The following SGCZ variants were observed in gnomAD, a reference collection of about 807,000 sequenced individuals.
SGCZ encodes sarcoglycan zeta.
SGCZ carries 40 observed loss-of-function variants against 41.3 expected under a neutral mutation model. The ratio of observed to expected loss-of-function variants is 0.97; its 90% confidence interval spans 0.75 to 1.26. The LOEUF (loss-of-function observed/expected upper bound fraction) is 1.26. Among genes scored for constraint, SGCZ ranks in the 50% most tolerant of loss-of-function variants. The pLI, the probability that SGCZ is intolerant of heterozygous loss-of-function variation, is 0.00. For synonymous variants in SGCZ, 206 were observed against 137.5 expected (o/e 1.50, Z -3.49); for missense variants, 552 against 369.8 (o/e 1.49, Z -4.04).
chr8:14,903,081 T>C (rs956599384), intron 1 of SGCZ, among the ~76,000 whole-genome samples: 27 of 152,124 alleles, frequency 1.8e-4, no homozygotes, highest in South Asian at 8.3e-4. Flanking sequence ...CTGTATCCAG[T>C]TAACGAGGCA....
At chr8:14,740,880 GT>G (rs1362933988) in intron 1 of SGCZ, among the ~76,000 whole-genome samples, 5 of 151,988 alleles carry the variant, frequency 3.3e-5, no homozygotes, top group African/African-American at 1.2e-4. Context: ...ACATACAGTT[GT>G]TGGAGGTTTC....
chr8:14,685,077 T>C (rs1808568331), intron 1 of SGCZ, among the ~76,000 whole-genome samples: 2 of 132,680 alleles, frequency 1.5e-5, no homozygotes, highest in Non-Finnish European at 3.2e-5. Flanking sequence ...GACTGTACCA[T>C]GAGATTCATT....
Position 14,251,072 on chromosome 8 carries a change from A to G in SGCZ, c.337-13393T>C, listed in dbSNP as rs143690636. Reference sequence around the variant, plus strand: ...GCGAAACCCCGTCTCTACTTAAAGTACAAAAATTAGCCGGGTGCAGTGGTA... The same window carrying G: ...GCGAAACCCCGTCTCTACTTAAAGTGCAAAAATTAGCCGGGTGCAGTGGTA... On this transcript the variant is annotated intron_variant, in intron 3 of 7. Transcript: ENST00000382080. Among the ~76,000 whole-genome samples the G allele has an allele frequency of 4.7e-3, 715 of 152,242 alleles. 2 individuals are homozygous for G. Among genetic ancestry groups the G allele is most frequent in the Middle Eastern group, 0.01 (3 of 294 alleles).
At chr8:14,551,489 T>TAA (rs1491418630) in intron 2 of SGCZ, among the ~76,000 whole-genome samples, 1 of 6,258 alleles carries the variant, frequency 1.6e-4, no homozygotes, top group Non-Finnish European at 3.3e-4. Context: ...ATTATATATA[T>TAA]TATATATATT....
chr8:14,340,542 T>G (rs1802667019), intron 2 of SGCZ, among the ~76,000 whole-genome samples: 1 of 152,094 alleles, frequency 6.6e-6, no homozygotes, highest in South Asian at 2.1e-4. Context: ...TCTTTTTATC[T>G]CCAGAATTTA....
intron 1 of SGCZ, among the ~76,000 whole-genome samples, chr8:15,079,323 G>T (rs1267079052): frequency 1.3e-5 from 2 of 152,094 alleles, no homozygotes; most frequent in East Asian, 3.8e-4. Context: ...CCTATCTGTT[G>T]TCTTTATATC....
intron 2 of SGCZ, among the ~76,000 whole-genome samples, chr8:14,337,680 G>A (rs1334022818): frequency 2.0e-5 from 3 of 152,138 alleles, no homozygotes; most frequent in Non-Finnish European, 4.4e-5. Flanking sequence ...TACCAAATGA[G>A]TATGATCTAT....
chr8:14,399,674 T>G (rs1799019353), intron 2 of SGCZ, among the ~76,000 whole-genome samples: 1 of 152,154 alleles, frequency 6.6e-6, no homozygotes, highest in South Asian at 2.1e-4. Context: ...AAGATAATAT[T>G]TTATTCATTG....
chr8:15,175,170 C>G (rs980704483), intron 1 of SGCZ, among the ~76,000 whole-genome samples: 1 of 151,972 alleles, frequency 6.6e-6, no homozygotes, highest in Non-Finnish European at 1.5e-5. Flanking sequence ...ACCGAGCAAT[C>G]CTATTACTGG....
intron 1 of SGCZ, among the ~76,000 whole-genome samples, chr8:14,594,811 G>C (rs1805355316): frequency 6.6e-6 from 1 of 151,748 alleles, no homozygotes; most frequent in Non-Finnish European, 1.5e-5. Context: ...AAGAGACTAT[G>C]CAATGTTATG....
chr8:14,363,320 T>C (rs1039759475), intron 2 of SGCZ, among the ~76,000 whole-genome samples: 2 of 152,104 alleles, frequency 1.3e-5, no homozygotes, highest in African/African-American at 2.4e-5. Flanking sequence ...AAGGGGAAAA[T>C]ACTGACTTTC....
chr8:15,186,048 C>T (rs1396190684), intron 1 of SGCZ, among the ~76,000 whole-genome samples: 2 of 148,836 alleles, frequency 1.3e-5, no homozygotes, highest in Admixed American at 1.3e-4. Context: ...ACGGTGAAAC[C>T]CCGTCTTTAC....
chr8:14,373,735 AAG>A (rs1224447991), intron 2 of SGCZ, among the ~76,000 whole-genome samples: 1 of 152,202 alleles, frequency 6.6e-6, no homozygotes, highest in Non-Finnish European at 1.5e-5. Flanking sequence ...GGCATAAAGA[AAG>A]ATTGAGATGA....
At chr8:14,399,592 T>C (rs1317687746) in intron 2 of SGCZ, among the ~76,000 whole-genome samples, 2 of 152,142 alleles carry the variant, frequency 1.3e-5, no homozygotes, top group Non-Finnish European at 2.9e-5. Context: ...TTCTGCAGTA[T>C]GTTTTTTTCA....
intron 1 of SGCZ, among the ~76,000 whole-genome samples, chr8:15,077,998 C>T (rs1176416824): frequency 2.6e-5 from 1 of 37,844 alleles, no homozygotes; most frequent in Non-Finnish European, 4.7e-5. Context: ...GGCATACCCA[C>T]ACTGGACTGG....
At chr8:14,878,257 TACTA>T (rs1804444153) in intron 1 of SGCZ, among the ~76,000 whole-genome samples, 1 of 151,932 alleles carries the variant, frequency 6.6e-6, no homozygotes, top group Non-Finnish European at 1.5e-5. Context: ...ATTCGACACT[TACTA>T]TTCAGAATCT....
chr8:14,680,789 A>G (rs1281753124), intron 1 of SGCZ, among the ~76,000 whole-genome samples: 2 of 142,222 alleles, frequency 1.4e-5, no homozygotes, highest in Non-Finnish European at 3.1e-5. Flanking sequence ...AGAGATACAG[A>G]CTGTATTTAA....
chr8:14,936,128 C>G (rs1800073525), intron 1 of SGCZ, among the ~76,000 whole-genome samples: 1 of 151,876 alleles, frequency 6.6e-6, no homozygotes, highest in African/African-American at 2.4e-5. Flanking sequence ...TCAAGATTTT[C>G]TACATGTAAT....
intron 5 of SGCZ, among the ~76,000 whole-genome samples, chr8:14,136,052 C>T (rs907671681): frequency 6.6e-6 from 1 of 152,142 alleles, no homozygotes; most frequent in Non-Finnish European, 1.5e-5. Flanking sequence ...CAATATTGCA[C>T]ATATAATTAC....
Sources: allele counts gnomAD v4.1 joint callset (sites outside exome capture counted in the v4.1 genomes callset), GRCh38; gene constraint gnomAD v4.1.1; transcripts MANE v1.5; gene names NCBI Gene and HGNC (gene_info 2026-07-23, HGNC 2026-07-21).